ATRNL1: variants seen among roughly 807,000 people sequenced by gnomAD.
ATRNL1 encodes attractin like 1, also known as attractin-like protein 1.
A neutral mutation model predicts 182.7 loss-of-function variants in ATRNL1; 95 were observed. That is an observed-to-expected ratio of 0.52 (90% CI 0.44 to 0.62). The LOEUF (loss-of-function observed/expected upper bound fraction) is 0.62, where lower values mean the gene tolerates loss of function less well. Ranked by LOEUF, ATRNL1 falls within the 20% of genes least tolerant of loss-of-function variation. The pLI is 0.00. For missense variants in ATRNL1, 1,471 were observed against 1,679.5 expected (o/e 0.88, Z 2.17); for synonymous variants, 576 against 568.3 (o/e 1.01, Z -0.19).
At chr10:115,548,585 G>T (rs373207636) in intron 25 of ATRNL1, among the ~76,000 whole-genome samples, 2 of 152,236 alleles carry the variant, frequency 1.3e-5, no homozygotes, top group African/African-American at 2.4e-5. Flanking sequence ...AGTGATACAG[G>T]GTTGAGATTG....
rs371096040 is a variant in ATRNL1 at position 115,102,497 on chromosome 10, G to C, written c.293+8454G>C. Among the ~76,000 whole-genome samples the C allele has an allele frequency of 7.9e-4, 121 of 152,280 alleles. 2 individuals carry two copies. In the South Asian group the frequency reaches 0.024, roughly 31 times the overall value. ...CTCACTCTGTTGCCCAGGCTGGAGT[G>C]CAGTGGCATGGTATCAGCTCACTGA... On this transcript the variant is annotated intron_variant, in intron 1 of 28. Transcript: ENST00000355044.
intron 27 of ATRNL1, among the ~76,000 whole-genome samples, chr10:115,828,317 CA>C (rs59894129): frequency 0.046 from 6,807 of 146,470 alleles, 534 homozygotes; most frequent in African/African-American, 0.16. Context: ...AACTCCGTCT[CA>C]AAAAAAAAGA....
intron 14 of ATRNL1, among the ~76,000 whole-genome samples, chr10:115,283,556 T>C (rs1466479984): frequency 1.3e-5 from 2 of 152,326 alleles, no homozygotes; most frequent in South Asian, 2.1e-4. Flanking sequence ...GTATTAATAA[T>C]GCAGTAGGCA....
At chr10:115,419,448 G>A (rs1451292068) in intron 20 of ATRNL1, among the ~76,000 whole-genome samples, 4 of 152,160 alleles carry the variant, frequency 2.6e-5, no homozygotes, top group Non-Finnish European at 5.9e-5. Context: ...TACCTTGAAT[G>A]TAAATGGTTG....
chr10:115,886,317 C>A (rs1009320632), intron 28 of ATRNL1, among the ~76,000 whole-genome samples: 1 of 152,142 alleles, frequency 6.6e-6, no homozygotes, highest in African/African-American at 2.4e-5. Flanking sequence ...AGTTTCGAGA[C>A]CAGCCTGACT....
At chr10:115,679,430 G>T (rs1945975937) in intron 26 of ATRNL1, among the ~76,000 whole-genome samples, 1 of 151,718 alleles carries the variant, frequency 6.6e-6, no homozygotes, top group African/African-American at 2.4e-5. Flanking sequence ...CAATTACCCT[G>T]CCTGCAGGTT....
intron 27 of ATRNL1, among the ~76,000 whole-genome samples, chr10:115,762,429 A>C (rs2960712): frequency 0.95 from 144,450 of 152,004 alleles, 69,049 homozygotes; most frequent in East Asian, 1. Flanking sequence ...CTAGAAAATA[A>C]TGAAAAGTTC....
At chr10:115,747,426 C>T (rs1052229025) in intron 27 of ATRNL1, among the ~76,000 whole-genome samples, 6 of 152,162 alleles carry the variant, frequency 3.9e-5, no homozygotes, top group East Asian at 1.9e-4. Flanking sequence ...AAAACTGGAT[C>T]GATAACTCAG....
chr10:115,465,674 A>G (rs1415941694), intron 22 of ATRNL1, among the ~76,000 whole-genome samples: 3 of 151,514 alleles, frequency 2.0e-5, no homozygotes, highest in Admixed American at 6.6e-5. Flanking sequence ...ACTATGATGC[A>G]TAATATAATA....
At chr10:115,777,047 C>T (rs1345415262) in intron 27 of ATRNL1, among the ~76,000 whole-genome samples, 2 of 151,972 alleles carry the variant, frequency 1.3e-5, no homozygotes, top group Non-Finnish European at 2.9e-5. Context: ...TGAAATGTCT[C>T]AAAAGAAAAG....
intron 24 of ATRNL1, among the ~76,000 whole-genome samples, chr10:115,491,121 G>A (rs143465760): frequency 1.4e-3 from 207 of 152,232 alleles, no homozygotes; most frequent in African/African-American, 4.7e-3. Context: ...TTCCAGAGGG[G>A]CACCTGCCAA....
chr10:115,395,812 T>C (rs990392196), intron 20 of ATRNL1, among the ~76,000 whole-genome samples: 1 of 151,872 alleles, frequency 6.6e-6, no homozygotes, highest in Middle Eastern at 3.4e-3. Flanking sequence ...ATTTAAATTG[T>C]TTTTTATTCT....
At chr10:115,311,896 T>G (rs1320970788) in intron 17 of ATRNL1, among the ~76,000 whole-genome samples, 4 of 152,004 alleles carry the variant, frequency 2.6e-5, no homozygotes, top group Non-Finnish European at 5.9e-5. Context: ...TCCTTTAAAG[T>G]CTGTTTTCTC....
At chr10:115,885,194 A>G (rs1432187127) in intron 28 of ATRNL1, among the ~76,000 whole-genome samples, 1 of 152,120 alleles carries the variant, frequency 6.6e-6, no homozygotes, top group Admixed American at 6.5e-5. Context: ...TCTTATCAAA[A>G]ATAAATAAAT....
At chr10:115,711,877 C>A (rs1947072922) in intron 26 of ATRNL1, among the ~76,000 whole-genome samples, 8 of 151,992 alleles carry the variant, frequency 5.3e-5, no homozygotes, top group Admixed American at 5.2e-4. Context: ...TAGAAATGCC[C>A]TAATTAAATA....
chr10:115,689,547 A>G (rs1349917473), intron 26 of ATRNL1, among the ~76,000 whole-genome samples: 1 of 152,124 alleles, frequency 6.6e-6, no homozygotes, highest in South Asian at 2.1e-4. Context: ...TGGGATGAGC[A>G]TGCTTGATCT....
chr10:115,822,429 C>T (rs1337711653), intron 27 of ATRNL1, among the ~76,000 whole-genome samples: 1 of 152,058 alleles, frequency 6.6e-6, no homozygotes, highest in Non-Finnish European at 1.5e-5. Context: ...TAACTAAGAT[C>T]AGAGCAGAAC....
At chr10:115,785,557 T>C (rs1449156285) in intron 27 of ATRNL1, among the ~76,000 whole-genome samples, 1 of 152,258 alleles carries the variant, frequency 6.6e-6, no homozygotes, top group African/African-American at 2.4e-5. Flanking sequence ...AGATCTTTTC[T>C]AGATAATCTC....
chr10:115,881,159 G>A lies in ATRNL1; in HGVS notation c.4018+33168G>A, dbSNP rs1250957291. On this transcript the variant is annotated intron_variant, in intron 28 of 28. Coordinates refer to ENST00000355044, the MANE Select transcript of ATRNL1 (RefSeq NM_207303.4). ...TCAGGGCATTGCCTAGCTAACATGA[G>A]CCTATCTCTGGGTATTTCCACTGAG... 3.9e-5 allele frequency among the ~76,000 whole-genome samples: 6 copies of A among 152,200 alleles called. No individual in the cohort carries two copies. In the East Asian group the frequency reaches 1.2e-3, roughly 29 times the overall value.
Sources: allele counts gnomAD v4.1 joint callset (sites outside exome capture counted in the v4.1 genomes callset), GRCh38; gene constraint gnomAD v4.1.1; transcripts MANE v1.5; gene names NCBI Gene and HGNC (gene_info 2026-07-23, HGNC 2026-07-21).